Variants in ERC1 observed in about 807,000 individuals in gnomAD.
ERC1 encodes the protein ELKS/RAB6-interacting/CAST family member 1.
ERC1 carries 56 observed loss-of-function variants against 132.0 expected under a neutral mutation model. The ratio of observed to expected loss-of-function variants is 0.42; its 90% CI spans 0.34 to 0.53. The LOEUF (loss-of-function observed/expected upper bound fraction) is 0.53. Among genes scored for constraint, ERC1 ranks in the 20% least tolerant of loss-of-function variants. The pLI, the probability that ERC1 is intolerant of heterozygous loss-of-function variation, is 0.03. For synonymous variants in ERC1, 478 were observed against 476.1 expected, an observed-to-expected ratio of 1.00 and a Z score of -0.05; for missense variants, 1,202 against 1,349.9, an observed-to-expected ratio of 0.89 and a Z score of 1.72.
At chr12:1,483,217 G>C (rs1182294585) in intron 18 of ERC1, among the ~76,000 whole-genome samples, 1 of 152,210 alleles carries the variant, frequency 6.6e-6, no homozygotes, top group Non-Finnish European at 1.5e-5. Flanking sequence ...AGGATCACTT[G>C]AGTCTGGGAG....
intron 7 of ERC1, among the ~76,000 whole-genome samples, chr12:1,138,251 GAT>G (rs1040558002): frequency 8.0e-5 from 10 of 124,928 alleles, no homozygotes; most frequent in Non-Finnish European, 1.4e-4. Context: ...TACAATATAT[GAT>G]ATATATTATA....
chr12:1,044,759 T>C (rs1458899004), intron 2 of ERC1, among the ~76,000 whole-genome samples: 2 of 152,192 alleles, frequency 1.3e-5, no homozygotes, highest in African/African-American at 4.8e-5. Context: ...TCACAGTGGA[T>C]AATAAGTTTC....
At chr12:1,109,396 A>G (rs1034258767) in intron 4 of ERC1, among the ~76,000 whole-genome samples, 1 of 152,220 alleles carries the variant, frequency 6.6e-6, no homozygotes, top group Admixed American at 6.5e-5. Context: ...TGTAATTTTT[A>G]TTATTGCACA....
chr12:1,472,714 A>G (rs2093888362), intron 18 of ERC1, among the ~76,000 whole-genome samples: 1 of 151,952 alleles, frequency 6.6e-6, no homozygotes, highest in Admixed American at 6.6e-5. Flanking sequence ...AAAGGAAGGA[A>G]GGGAAGGAGG....
chr12:1,004,353 A>G (rs540265765), intron 1 of ERC1, among the ~76,000 whole-genome samples: 1 of 151,174 alleles, frequency 6.6e-6, no homozygotes, highest in East Asian at 1.9e-4. Flanking sequence ...ACATGGATTT[A>G]AAAATTCATT....
At chr12:1,447,627 G>GCTTTGT (rs1187659401) in intron 18 of ERC1, among the ~76,000 whole-genome samples, 18 of 148,678 alleles carry the variant, frequency 1.2e-4, no homozygotes, top group African/African-American at 4.6e-4. Context: ...GTTTGTCTTT[G>GCTTTGT]TTTTGTTTTT....
intron 15 of ERC1, among the ~76,000 whole-genome samples, chr12:1,329,075 C>T (rs1348428489): frequency 6.9e-6 from 1 of 145,522 alleles, no homozygotes; most frequent in Non-Finnish European, 1.5e-5. Flanking sequence ...GGGCAGATCA[C>T]TTGAGGTCAG....
At chr12:1,476,933 G>A (rs2093986311) in intron 18 of ERC1, among the ~76,000 whole-genome samples, 1 of 152,150 alleles carries the variant, frequency 6.6e-6, no homozygotes. Context: ...AATTATTTTA[G>A]AAGAATATTT....
At chr12:1,361,403 TATA>T (rs1478778461) in intron 15 of ERC1, among the ~76,000 whole-genome samples, 3 of 151,922 alleles carry the variant, frequency 2.0e-5, no homozygotes, top group Non-Finnish European at 2.9e-5. Flanking sequence ...AAACTTAAAG[TATA>T]ATAATTAAAC....
At chr12:1,057,066 G>A (rs1047638324) in intron 2 of ERC1, among the ~76,000 whole-genome samples, 2 of 152,122 alleles carry the variant, frequency 1.3e-5, no homozygotes, top group Non-Finnish European at 2.9e-5. Context: ...TCATAATTTA[G>A]CATAGGAAAC....
At chr12:1,221,818 A>G (rs1002927294) in intron 12 of ERC1, among the ~76,000 whole-genome samples, 5 of 152,188 alleles carry the variant, frequency 3.3e-5, no homozygotes, top group African/African-American at 1.2e-4. Context: ...GCTCTTTGGA[A>G]GAAGGTAAAA....
At chr12:1,169,948 G>A (rs998478363) in intron 8 of ERC1, among the ~76,000 whole-genome samples, 3 of 152,140 alleles carry the variant, frequency 2.0e-5, no homozygotes, top group Non-Finnish European at 4.4e-5. Flanking sequence ...ATGTTGGCAG[G>A]TGAATATGAT....
Position 1,019,359 on chromosome 12 carries a change from A to G in ERC1, c.-156-8389A>G, listed in dbSNP as rs57689816. Among the ~76,000 whole-genome samples, 339 of 152,328 alleles carry G rather than the reference A, an allele frequency of 2.2e-3. 9 individuals carry two copies. In the East Asian group the frequency reaches 0.046, roughly 20 times the overall value. ...AGGCCAGTCTTGAACTCCTTAGCTC[A>G]AGTGATCATCCTGCCTCGGGTTCCC... On this transcript the variant is annotated intron_variant, in intron 1 of 18. Coordinates refer to ENST00000360905, the MANE Select transcript of ERC1 (RefSeq NM_178040.4).
At chr12:1,222,919 A>G (rs574504542) in intron 12 of ERC1, among the ~76,000 whole-genome samples, 110 of 152,358 alleles carry the variant, frequency 7.2e-4, no homozygotes, top group East Asian at 2.5e-3. Context: ...TTTAAGATAC[A>G]AGGAAGATAT....
At position 1,110,343 on chromosome 12, in the gene ERC1, A is replaced by G. The variant is rs1187280262; in HGVS notation, c.1313A>G (p.Asn438Ser). The change falls in exon 5 of 19, where the codon AAT becomes AGT. Residue 438 changes from asparagine (N) to serine (S), a missense_variant. Asn to Ser is a conservative substitution (Grantham distance 46). Coordinates refer to ENST00000360905, the MANE Select transcript of ERC1 (RefSeq NM_178040.4). Reference protein sequence around the residue: ...VYRSHSKFMKNKVEQLKEELS... With the variant: ...VYRSHSKFMKSKVEQLKEELS... ...CGGAGCCATTCTAAATTTATGAAAAATAAGGTAATGGCATGTGAGACTTTT... is the reference window on the plus strand; with the variant it reads ...CGGAGCCATTCTAAATTTATGAAAAGTAAGGTAATGGCATGTGAGACTTTT... 19 of 1,602,680 alleles carry G rather than the reference A, an allele frequency of 1.2e-5. No homozygotes were observed. Among genetic ancestry groups the G allele is most frequent in the Non-Finnish European group, 1.6e-5 (19 of 1,176,224 alleles).
At chr12:1,023,830 CAG>C (rs968633775) in intron 1 of ERC1, among the ~76,000 whole-genome samples, 21 of 152,082 alleles carry the variant, frequency 1.4e-4, no homozygotes, top group African/African-American at 5.1e-4. Flanking sequence ...GTATTATAGA[CAG>C]AAGTTAAAAA....
At chr12:1,315,931 G>T (rs547114634) in intron 15 of ERC1, among the ~76,000 whole-genome samples, 12 of 151,042 alleles carry the variant, frequency 7.9e-5, no homozygotes, top group South Asian at 2.1e-4. Flanking sequence ...TCACTCTGTC[G>T]CCCAGGCTGG....
intron 15 of ERC1, among the ~76,000 whole-genome samples, chr12:1,325,600 T>C (rs1352317675): frequency 6.6e-6 from 1 of 152,122 alleles, no homozygotes; most frequent in Non-Finnish European, 1.5e-5. Flanking sequence ...ATAAAGACAA[T>C]TTTATATATA....
At chr12:1,154,280 T>G (rs1951137223) in intron 8 of ERC1, among the ~76,000 whole-genome samples, 1 of 148,860 alleles carries the variant, frequency 6.7e-6, no homozygotes, top group African/African-American at 2.5e-5. Context: ...CACATATACA[T>G]GTATATATAC....
Sources: gnomAD v4.1 joint callset for allele counts (sites outside exome capture counted in the v4.1 genomes callset) on GRCh38, gnomAD v4.1.1 for gene constraint, MANE v1.5 for transcripts, NCBI Gene and HGNC (gene_info 2026-07-23, HGNC 2026-07-21) for gene names.